CDYL2: variants seen among roughly 807,000 people sequenced by gnomAD.
CDYL2 encodes chromodomain Y-like protein 2.
CDYL2 carries 23 observed loss-of-function variants against 49.4 expected under a neutral mutation model. The ratio of observed to expected loss-of-function variants is 0.47; its 90% CI spans 0.34 to 0.66. The LOEUF is 0.66. Among genes scored for constraint, CDYL2 ranks in the 30% least tolerant of loss-of-function variants. The probability of loss-of-function intolerance (pLI) is 0.01; values close to 1 mark genes in which losing one functional copy is unlikely to be tolerated. For missense variants in CDYL2, 678 were observed against 656.4 expected (o/e 1.03, Z -0.36); for synonymous variants, 360 against 268.8 (o/e 1.34, Z -3.32).
intron 1 of CDYL2, among the ~76,000 whole-genome samples, chr16:80,711,532 G>A (rs146698485): frequency 3.9e-5 from 6 of 152,294 alleles, no homozygotes; most frequent in African/African-American, 1.4e-4. Context: ...TGAACACGCA[G>A]GATGCAAAGT....
At chr16:80,672,210 C>A (rs1438327424) in intron 2 of CDYL2, among the ~76,000 whole-genome samples, 1 of 151,928 alleles carries the variant, frequency 6.6e-6, no homozygotes, top group Non-Finnish European at 1.5e-5. Flanking sequence ...ATAAATGGCA[C>A]TACTAAAATT....
At chr16:80,782,300 G>C (rs1284938242) in intron 1 of CDYL2, among the ~76,000 whole-genome samples, 2 of 151,600 alleles carry the variant, frequency 1.3e-5, no homozygotes, top group Non-Finnish European at 2.9e-5. Flanking sequence ...AAAATGAATA[G>C]AAAATCTGAA....
intron 2 of CDYL2, among the ~76,000 whole-genome samples, chr16:80,651,514 A>G (rs895644521): frequency 2.6e-5 from 4 of 152,206 alleles, no homozygotes; most frequent in Non-Finnish European, 5.9e-5. Context: ...TGATACTACA[A>G]TGGAGAATAC....
chr16:80,635,373 A>G (rs1907771889), intron 2 of CDYL2, among the ~76,000 whole-genome samples: 1 of 152,230 alleles, frequency 6.6e-6, no homozygotes, highest in South Asian at 2.1e-4. Flanking sequence ...GCAAAGTCTC[A>G]GGATACAAAA....
intron 3 of CDYL2, among the ~76,000 whole-genome samples, chr16:80,625,259 G>C (rs901496631): frequency 1.9e-4 from 29 of 152,278 alleles, no homozygotes; most frequent in African/African-American, 7.0e-4. Context: ...CCAGCTTATA[G>C]AGGCCACCCA....
At chr16:80,620,971 G>A (rs1335141853) in intron 3 of CDYL2, 36 bp from the exon 4 acceptor site, 1 of 1,538,650 alleles carries the variant, frequency 6.5e-7, no homozygotes. Context: ...GATGTTAAGT[G>A]TCTATCCTGT....
chr16:80,760,554 G>A (rs1906491716), intron 1 of CDYL2, among the ~76,000 whole-genome samples: 1 of 151,854 alleles, frequency 6.6e-6, no homozygotes, highest in Non-Finnish European at 1.5e-5. Flanking sequence ...ATGATGTAAT[G>A]ATTACACATT....
chr16:80,695,051 G>C (rs543393807), intron 1 of CDYL2, among the ~76,000 whole-genome samples: 1 of 152,242 alleles, frequency 6.6e-6, no homozygotes, highest in South Asian at 2.1e-4. Flanking sequence ...AAATATTCAA[G>C]AGTCCATCTG....
In CDYL2 at chr16:80,730,315, T is replaced by C. The variant is rs559560263; in HGVS notation, c.25-45186A>G. On this transcript the variant is annotated intron_variant, in intron 1 of 6. Transcript: ENST00000570137. ...AATACAAACTGCCATTAGAGAATGCTACAAACACCTCTACGCAAATAAACT... is the reference window on the plus strand; with the variant it reads ...AATACAAACTGCCATTAGAGAATGCCACAAACACCTCTACGCAAATAAACT... Among the ~76,000 whole-genome samples the C allele has an allele frequency of 1.6e-3, 243 of 152,152 alleles. 1 individual carries two copies. The highest frequency in any genetic ancestry group is 5.7e-3 in the African/African-American group (237 of 41,550).
intron 1 of CDYL2, among the ~76,000 whole-genome samples, chr16:80,744,983 C>T (rs1905875416): frequency 6.6e-6 from 1 of 152,130 alleles, no homozygotes; most frequent in Admixed American, 6.5e-5. Flanking sequence ...CTCTCTGATG[C>T]CACAAATGTG....
At chr16:80,797,723 G>T (rs1457535548) in intron 1 of CDYL2, among the ~76,000 whole-genome samples, 1 of 152,136 alleles carries the variant, frequency 6.6e-6, no homozygotes, top group Non-Finnish European at 1.5e-5. Flanking sequence ...ACATAAGCTT[G>T]ACTGATATAC....
chr16:80,758,424 G>A (rs528520021), intron 1 of CDYL2, among the ~76,000 whole-genome samples: 1 of 152,004 alleles, frequency 6.6e-6, no homozygotes, highest in African/African-American at 2.4e-5. Context: ...AGGTAATTTC[G>A]AAGTAAGAAT....
chr16:80,804,159 G>C lies in CDYL2; in HGVS notation c.15C>G (p.Asp5Glu). Reference sequence around the variant, plus strand: ...CCCCGCGTCCCCGTACCTCGTAAAGGTCCCCAGAAGCCATGCCAGGCTGCG... The same window carrying C: ...CCCCGCGTCCCCGTACCTCGTAAAGCTCCCCAGAAGCCATGCCAGGCTGCG... MASG[D>E]LYEVERIVDK... Residue 5 changes from aspartate to glutamate, a missense_variant, in exon 1 of 7, where the codon GAC becomes GAG. Physicochemically the swap from Asp to Glu is conservative, Grantham distance 45 (BLOSUM62 2). Coordinates refer to ENST00000570137, the MANE Select transcript of CDYL2 (RefSeq NM_152342.4). The C allele has an allele frequency of 1.5e-6, 2 of 1,290,414 alleles. No individual in the cohort carries two copies. Among genetic ancestry groups the C allele is most frequent in the Non-Finnish European group, 1.0e-6 (1 of 988,082 alleles). The allele number at this position is 1,290,414 out of a possible 1,614,324, so 79.9% of individuals were successfully genotyped here.
intron 1 of CDYL2, among the ~76,000 whole-genome samples, chr16:80,777,266 A>T (rs1039163244): frequency 6.6e-6 from 1 of 152,100 alleles, no homozygotes; most frequent in African/African-American, 2.4e-5. Context: ...TGTCGAGTAC[A>T]CTCAATATGA....
intron 2 of CDYL2, among the ~76,000 whole-genome samples, chr16:80,645,593 C>T (rs1179534652): frequency 1.3e-5 from 2 of 151,902 alleles, no homozygotes; most frequent in Non-Finnish European, 1.5e-5. Flanking sequence ...CTCAAGGATC[C>T]AGAACTAAAA....
At chr16:80,758,307 G>T (rs939709977) in intron 1 of CDYL2, among the ~76,000 whole-genome samples, 1 of 150,844 alleles carries the variant, frequency 6.6e-6, no homozygotes, top group African/African-American at 2.4e-5. Context: ...CTTACATATA[G>T]AAGTAATAAT....
rs74398090 is a variant in CDYL2 at position 80,783,167 on chromosome 16, A to C, written c.24+20983T>G. Among the ~76,000 whole-genome samples, 1,082 of 152,316 alleles carry C rather than the reference A, an allele frequency of 7.1e-3. 8 individuals are homozygous for C. Among genetic ancestry groups the C allele is most frequent in the Non-Finnish European group, 9.0e-3 (611 of 68,018 alleles). ...TGTATCTGAAACTCAACAATTCAAC[A>C]ACAAAAAAACAAACACCTCAATTTG... On this transcript the variant is annotated intron_variant, in intron 1 of 6. Transcript: ENST00000570137.
intron 1 of CDYL2, among the ~76,000 whole-genome samples, chr16:80,780,079 T>C (rs745962024): frequency 2.6e-5 from 4 of 152,178 alleles, no homozygotes; most frequent in African/African-American, 4.8e-5. Flanking sequence ...TCTAAGGACC[T>C]GAAAACAATC....
At chr16:80,640,655 G>T (rs1597142273) in intron 2 of CDYL2, among the ~76,000 whole-genome samples, 1 of 152,120 alleles carries the variant, frequency 6.6e-6, no homozygotes, top group Non-Finnish European at 1.5e-5. Flanking sequence ...TTCAGGCAGA[G>T]AATTCAAAGT....
Sources: allele counts gnomAD v4.1 joint callset (sites outside exome capture counted in the v4.1 genomes callset), GRCh38; gene constraint gnomAD v4.1.1; transcripts MANE v1.5; gene names NCBI Gene and HGNC (gene_info 2026-07-23, HGNC 2026-07-21).